The following HTR4 variants were observed in gnomAD, a reference collection of about 807,000 sequenced individuals.
The protein encoded by HTR4 is 5-hydroxytryptamine (serotonin) receptor 4, G protein-coupled.
In HTR4, 16 loss-of-function variants were observed where a neutral mutation model predicts 36.8. The ratio of observed to expected loss-of-function variants is 0.43; its 90% confidence interval spans 0.29 to 0.66. The LOEUF is 0.66. Among genes scored for constraint, HTR4 ranks in the 30% least tolerant of loss-of-function variants. The probability of loss-of-function intolerance (pLI) is 0.13; values close to 1 mark genes in which losing one functional copy is unlikely to be tolerated. For missense variants in HTR4, 438 were observed against 490.9 expected (o/e 0.89, Z 1.02); for synonymous variants, 189 against 185.1 (o/e 1.02, Z -0.17).
rs533445070 is a variant in HTR4 at position 148,505,505 on chromosome 5, G to A, written c.1076+3951C>T. Among the ~76,000 whole-genome samples the A allele has an allele frequency of 1.8e-3, 278 of 152,238 alleles. 2 individuals are homozygous for A. Among genetic ancestry groups the A allele is most frequent in the African/African-American group, 6.5e-3 (272 of 41,530 alleles). Reference sequence around the variant, plus strand: ...TCTCACCACTCCTATTCAACATAGTGTTGGAAGTTCTGGCCAGGGCAATCA... The same window carrying A: ...TCTCACCACTCCTATTCAACATAGTATTGGAAGTTCTGGCCAGGGCAATCA... On this transcript the variant is annotated intron_variant, in intron 6 of 6. Coordinates refer to ENST00000377888, the MANE Select transcript of HTR4 (RefSeq NM_000870.7).
At chr5:148,596,405 C>T (rs568127209) in intron 2 of HTR4, among the ~76,000 whole-genome samples, 1 of 152,232 alleles carries the variant, frequency 6.6e-6, no homozygotes, top group African/African-American at 2.4e-5. Flanking sequence ...TTAAAGTTCA[C>T]AGTTCTTACC....
At chr5:148,564,379 T>C (rs751609066) in intron 2 of HTR4, among the ~76,000 whole-genome samples, 1 of 152,240 alleles carries the variant, frequency 6.6e-6, no homozygotes, top group Non-Finnish European at 1.5e-5. Context: ...CCTATAATTA[T>C]ATATCATAGC....
chr5:148,489,081 A>AT (rs1404550405), intron 6 of HTR4, among the ~76,000 whole-genome samples: 1 of 152,188 alleles, frequency 6.6e-6, no homozygotes, highest in Non-Finnish European at 1.5e-5. Context: ...TGCTTTTTCT[A>AT]TAGTATTCCA....
At chr5:148,474,406 C>A (rs559978005), downstream of HTR4, among the ~76,000 whole-genome samples, 40 of 152,064 alleles carry the variant, frequency 2.6e-4, no homozygotes, top group African/African-American at 9.2e-4. Flanking sequence ...CCTATTTGTA[C>A]CCTATTGACA....
chr5:148,521,282 G>T (rs1758002249), intron 5 of HTR4, among the ~76,000 whole-genome samples: 1 of 152,164 alleles, frequency 6.6e-6, no homozygotes, highest in Non-Finnish European at 1.5e-5. Flanking sequence ...CAGGCATGGG[G>T]TACCTACACA....
chr5:148,537,191 G>A (rs1320194853), intron 4 of HTR4, among the ~76,000 whole-genome samples: 2 of 152,158 alleles, frequency 1.3e-5, no homozygotes, highest in African/African-American at 4.8e-5. Flanking sequence ...TGAAACTAAT[G>A]AGAAGAAAGA....
chr5:148,511,282 A>G (rs1389488364), intron 5 of HTR4, among the ~76,000 whole-genome samples: 4 of 152,206 alleles, frequency 2.6e-5, no homozygotes, highest in African/African-American at 9.6e-5. Flanking sequence ...AAATCAAACT[A>G]TAGAATATTA....
chr5:148,481,517 C>G, downstream of HTR4: 1 of 1,490,434 alleles, frequency 6.7e-7, no homozygotes, highest in Non-Finnish European at 8.9e-7. Context: ...AGAATTAAGT[C>G]TTCATAGGAC....
chr5:148,621,155 T>C (rs1464867220), intron 2 of HTR4, among the ~76,000 whole-genome samples: 2 of 152,232 alleles, frequency 1.3e-5, no homozygotes, highest in African/African-American at 4.8e-5. Flanking sequence ...AAGAAAAGGT[T>C]CTTTGAAATT....
At chr5:148,626,333 A>G (rs780501606) in intron 2 of HTR4, among the ~76,000 whole-genome samples, 3 of 152,208 alleles carry the variant, frequency 2.0e-5, no homozygotes, top group Non-Finnish European at 4.4e-5. Flanking sequence ...TCCTCTACTA[A>G]AGTACTAAAT....
At chr5:148,498,841 A>T (rs1756806160) in intron 6 of HTR4, among the ~76,000 whole-genome samples, 1 of 152,180 alleles carries the variant, frequency 6.6e-6, no homozygotes, top group Non-Finnish European at 1.5e-5. Flanking sequence ...GGTTAATAAG[A>T]ATAGGTCCAT....
chr5:148,523,006 C>A (rs1437530273), intron 5 of HTR4, among the ~76,000 whole-genome samples, 187 bp downstream of exon 5: 1 of 151,940 alleles, frequency 6.6e-6, no homozygotes, highest in Non-Finnish European at 1.5e-5. Flanking sequence ...AAAAGTCTAA[C>A]TAAAGTTGGG....
intron 4 of HTR4, among the ~76,000 whole-genome samples, chr5:148,535,364 GA>G (rs1561603194): frequency 1.3e-5 from 2 of 152,180 alleles, no homozygotes; most frequent in African/African-American, 4.8e-5. Context: ...GTTCTCCAAC[GA>G]GAGTTCTTAA....
chr5:148,588,619 C>A (rs1761440491), intron 2 of HTR4, among the ~76,000 whole-genome samples: 1 of 146,818 alleles, frequency 6.8e-6, no homozygotes, highest in Admixed American at 6.9e-5. Flanking sequence ...CGGCTCACTG[C>A]AAGCTCCGCT....
chr5:148,498,709 A>T (rs1756795919), intron 6 of HTR4, among the ~76,000 whole-genome samples: 1 of 152,226 alleles, frequency 6.6e-6, no homozygotes, highest in Admixed American at 6.5e-5. Context: ...AAGAAATGTG[A>T]AAAAGGTATG....
rs1229225248 is a variant in HTR4 at position 148,547,567 on chromosome 5, AAAT to A, written c.353+1098_353+1100del. Among the ~76,000 whole-genome samples, 20 of 113,474 alleles carry A rather than the reference AAAT, an allele frequency of 1.8e-4. No homozygotes were observed. The East Asian group carries it at 4.0e-3, about 23-fold the overall frequency. 74.4% of individuals were successfully genotyped at this position (113,474 alleles called of 152,430 possible). ...AAAATAAAATAAAATAAAATAAAAT[AAAT>A]AAATAAAAATAAATGAAAATAAAAA... is the stretch of plus-strand genomic sequence containing the variant. On this transcript the variant is annotated intron_variant, in intron 4 of 6. Transcript: ENST00000377888.
chr5:148,550,717 A>T (rs1302596929), intron 2 of HTR4, among the ~76,000 whole-genome samples: 1 of 152,188 alleles, frequency 6.6e-6, no homozygotes, highest in African/African-American at 2.4e-5. Flanking sequence ...CCAGGTTGCA[A>T]GTTAAACTGA....
chr5:148,576,105 C>A (rs1316841458), intron 2 of HTR4, among the ~76,000 whole-genome samples: 11 of 32,920 alleles, frequency 3.3e-4, no homozygotes, highest in African/African-American at 2.3e-3. Flanking sequence ...AGCGAGACTC[C>A]GTCTCAAAAA....
intron 2 of HTR4, among the ~76,000 whole-genome samples, chr5:148,574,585 A>C (rs537179027): frequency 6.6e-6 from 1 of 152,096 alleles, no homozygotes; most frequent in African/African-American, 2.4e-5. Context: ...AATTTGATTC[A>C]CTTTGTGTCC....
Sources: allele counts gnomAD v4.1 joint callset (sites outside exome capture counted in the v4.1 genomes callset), GRCh38; gene constraint gnomAD v4.1.1; transcripts MANE v1.5; gene names NCBI Gene and HGNC (gene_info 2026-07-23, HGNC 2026-07-21).